STPG2: variants seen among roughly 807,000 people sequenced by gnomAD.
STPG2 encodes the protein sperm tail PG-rich repeat containing 2.
STPG2 carries 56 observed loss-of-function variants against 54.2 expected under a neutral mutation model. That is an observed-to-expected ratio of 1.03 (90% confidence interval 0.83 to 1.29). STPG2 has a LOEUF of 1.29. Ranked by LOEUF, STPG2 falls within the 50% of genes most tolerant of loss-of-function variation. STPG2 has a pLI of 0.00. For synonymous variants in STPG2, 200 were observed against 181.8 expected, an observed-to-expected ratio of 1.10 and a Z score of -0.81; for missense variants, 596 against 544.9, an observed-to-expected ratio of 1.09 and a Z score of -0.93.
At chr4:97,964,577 C>T (rs1011545103) in intron 7 of STPG2, among the ~76,000 whole-genome samples, 4 of 152,010 alleles carry the variant, frequency 2.6e-5, no homozygotes, top group African/African-American at 9.7e-5. Flanking sequence ...CCTGAAAAAA[C>T]TAATATCTAA....
rs1433856945 is a variant in STPG2 at position 97,880,305 on chromosome 4, T to C, written c.1045-39373A>G. ...TTCATTTGAAGCTTCTCATTTTGCA[T>C]GCATAGATATTTAAATAATAACAAT... On this transcript the variant is annotated intron_variant, in intron 8 of 10. Coordinates refer to ENST00000295268, the MANE Select transcript of STPG2 (RefSeq NM_174952.3). 2.0e-5 allele frequency among the ~76,000 whole-genome samples: 3 copies of C among 152,180 alleles called. 1 individual carries two copies. Among genetic ancestry groups the C allele is most frequent in the Non-Finnish European group, 4.4e-5 (3 of 68,030 alleles).
At chr4:97,899,312 G>T (rs1256820659) in intron 8 of STPG2, among the ~76,000 whole-genome samples, 1 of 151,858 alleles carries the variant, frequency 6.6e-6, no homozygotes, top group African/African-American at 2.4e-5. Flanking sequence ...AGTGCTCACA[G>T]AAATCAGAGA....
At chr4:98,114,753 ATTTTT>A (rs33980852) in intron 3 of STPG2, among the ~76,000 whole-genome samples, 39,564 of 145,974 alleles carry the variant, frequency 0.27, 5,461 homozygotes, top group Middle Eastern at 0.34. Context: ...AATAATATCC[ATTTTT>A]TTTTTTTTGT....
At chr4:98,018,463 T>A (rs1466588405) in intron 5 of STPG2, among the ~76,000 whole-genome samples, 2 of 152,206 alleles carry the variant, frequency 1.3e-5, no homozygotes, top group Non-Finnish European at 2.9e-5. Flanking sequence ...TTGTGAGTAG[T>A]GCCACAATAA....
At chr4:97,979,941 T>A (rs1734618568) in intron 6 of STPG2, among the ~76,000 whole-genome samples, 1 of 152,012 alleles carries the variant, frequency 6.6e-6, no homozygotes. Flanking sequence ...GCCAGGATGG[T>A]CTCGATCCCC....
At chr4:97,806,247 A>T (rs811479) in intron 9 of STPG2, among the ~76,000 whole-genome samples, 88,608 of 151,990 alleles carry the variant, frequency 0.58, 26,402 homozygotes, top group East Asian at 0.74. Context: ...GCTGTTATCC[A>T]AAGTTAATTA....
chr4:97,974,995 A>T (rs1477788348), intron 6 of STPG2, among the ~76,000 whole-genome samples: 1 of 152,240 alleles, frequency 6.6e-6, no homozygotes, highest in Non-Finnish European at 1.5e-5. Flanking sequence ...CAAACACAAC[A>T]ATATAAATGT....
chr4:98,101,876 C>G (rs372815390), intron 5 of STPG2, among the ~76,000 whole-genome samples: 1 of 150,886 alleles, frequency 6.6e-6, no homozygotes, highest in Non-Finnish European at 1.5e-5. Flanking sequence ...CCCCCTCCCC[C>G]CCGACCTTAG....
rs574711207 is a variant in STPG2 at position 97,993,879 on chromosome 4, G to A, written c.613-12561C>T. Among the ~76,000 whole-genome samples the A allele has an allele frequency of 3.3e-5, 5 of 152,202 alleles. No homozygotes were observed. The East Asian group carries it at 9.6e-4, about 29-fold the overall frequency. On this transcript the variant is annotated intron_variant, in intron 5 of 10. Transcript: ENST00000295268. ...TCTTCTAGTTTATGTGCGTAAAGGT[G>A]TTCAAAATAGCCTTGAATGATCTTT...
At chr4:97,593,403 T>C (rs765769092) in intron 10 of STPG2, among the ~76,000 whole-genome samples, 1 of 152,174 alleles carries the variant, frequency 6.6e-6, no homozygotes, top group Non-Finnish European at 1.5e-5. Flanking sequence ...GATGCTAGCA[T>C]CCTGGTGTCA....
intron 4 of STPG2, among the ~76,000 whole-genome samples, chr4:97,492,348 G>A (rs1730520347): frequency 6.6e-6 from 1 of 151,320 alleles, no homozygotes; most frequent in African/African-American, 2.4e-5. Context: ...GGGGACCTCT[G>A]AAAACATCTT....
At chr4:97,992,217 T>C (rs1481501041) in intron 5 of STPG2, among the ~76,000 whole-genome samples, 1 of 152,190 alleles carries the variant, frequency 6.6e-6, no homozygotes, top group African/African-American at 2.4e-5. Context: ...TCTTCTAGAA[T>C]TTTTAGGGTT....
chr4:97,563,303 T>C (rs1732314079), intron 10 of STPG2, among the ~76,000 whole-genome samples: 1 of 150,186 alleles, frequency 6.7e-6, no homozygotes, highest in Admixed American at 6.6e-5. Flanking sequence ...CTTTGTCATT[T>C]TTTATTGCGT....
At chr4:98,015,981 T>C (rs1001686204) in intron 5 of STPG2, among the ~76,000 whole-genome samples, 6 of 152,106 alleles carry the variant, frequency 3.9e-5, no homozygotes, top group African/African-American at 1.2e-4. Context: ...ATCGCATGTT[T>C]TCACTCAGAA....
intron 5 of STPG2, among the ~76,000 whole-genome samples, chr4:98,031,064 T>C (rs1736580805): frequency 6.6e-6 from 1 of 152,108 alleles, no homozygotes; most frequent in Admixed American, 6.5e-5. Context: ...AACAGGCACA[T>C]AGACCAATGG....
intron 4 of STPG2, among the ~76,000 whole-genome samples, chr4:97,491,739 A>G (rs1296579681): frequency 6.6e-6 from 1 of 151,548 alleles, no homozygotes; most frequent in Non-Finnish European, 1.5e-5. Flanking sequence ...ATAGGTAGGC[A>G]AAGGAAAGCT....
At chr4:97,496,118 T>C (rs1028144375) in intron 4 of STPG2, among the ~76,000 whole-genome samples, 3 of 151,778 alleles carry the variant, frequency 2.0e-5, no homozygotes, top group African/African-American at 7.2e-5. Context: ...TATTTAGTAA[T>C]ATCATTTTCA....
At chr4:97,638,625 A>G (rs1336582698) in intron 10 of STPG2, among the ~76,000 whole-genome samples, 2 of 145,058 alleles carry the variant, frequency 1.4e-5, no homozygotes, top group African/African-American at 2.7e-5. Flanking sequence ...CAGAATCTAC[A>G]ATGAACTCAA....
chr4:97,905,523 C>T (rs894289445), intron 8 of STPG2, among the ~76,000 whole-genome samples: 20 of 152,038 alleles, frequency 1.3e-4, no homozygotes, highest in Non-Finnish European at 1.3e-4. Flanking sequence ...TAAAGACCAT[C>T]GAGACTAGGA....
Sources: gnomAD v4.1 joint callset for allele counts (sites outside exome capture counted in the v4.1 genomes callset) on GRCh38, gnomAD v4.1.1 for gene constraint, MANE v1.5 for transcripts, NCBI Gene and HGNC (gene_info 2026-07-23, HGNC 2026-07-21) for gene names.